The following TOGARAM1 variants were observed in gnomAD, a reference collection of about 807,000 sequenced individuals.
TOGARAM1 encodes TOG array regulator of axonemal microtubules 1, also known as TOG array regulator of axonemal microtubules protein 1.
A neutral mutation model predicts 166.6 loss-of-function variants in TOGARAM1; 100 were observed. The observed-to-expected ratio is 0.60, with a 90% CI of 0.51 to 0.71. The LOEUF (loss-of-function observed/expected upper bound fraction) is 0.71. TOGARAM1 is among the 30% of genes least tolerant of loss of function. TOGARAM1 has a pLI of 0.00. For synonymous variants in TOGARAM1, 758 were observed against 763.8 expected (o/e 0.99, Z 0.13); for missense variants, 2,029 against 2,102.7 (o/e 0.96, Z 0.69).
intron 16 of TOGARAM1, among the ~76,000 whole-genome samples, chr14:45,061,647 G>C (rs1882906772): frequency 6.6e-6 from 1 of 151,890 alleles, no homozygotes; most frequent in Admixed American, 6.6e-5. Flanking sequence ...TATATTTTTT[G>C]TTTATTTTGT....
intron 7 of TOGARAM1, among the ~76,000 whole-genome samples, chr14:45,021,385 A>G (rs993307960): frequency 1.3e-5 from 2 of 152,168 alleles, no homozygotes; most frequent in Non-Finnish European, 2.9e-5. Context: ...CGCATTCTCC[A>G]TAGAAACTCT....
intron 9 of TOGARAM1, among the ~76,000 whole-genome samples, chr14:45,027,740 G>A (rs1188861964): frequency 3.3e-5 from 5 of 152,030 alleles, no homozygotes; most frequent in East Asian, 3.9e-4. Flanking sequence ...ACAGCCATGC[G>A]TGCCTATGGG....
chr14:45,025,932 A>G (rs1171070424), intron 8 of TOGARAM1, 60 bp downstream of exon 8: 2 of 829,932 alleles, frequency 2.4e-6, no homozygotes, highest in South Asian at 1.6e-5. Context: ...AGCAAAGCCT[A>G]TCAATAAGGA....
At chr14:45,029,819 GT>G (rs1456160848) in intron 10 of TOGARAM1, among the ~76,000 whole-genome samples, 1 of 151,982 alleles carries the variant, frequency 6.6e-6, no homozygotes, top group Non-Finnish European at 1.5e-5. Context: ...AAGTTTTGTT[GT>G]TTTTTGTTGG....
chr14:45,013,161 T>C (rs985605008), intron 7 of TOGARAM1, among the ~76,000 whole-genome samples: 1 of 152,232 alleles, frequency 6.6e-6, no homozygotes, highest in African/African-American at 2.4e-5. Flanking sequence ...CATACTGTTT[T>C]TTCTGGATGA....
At chr14:44,975,162 G>GT (rs2138737615) in intron 1 of TOGARAM1, among the ~76,000 whole-genome samples, 1 of 152,170 alleles carries the variant, frequency 6.6e-6, no homozygotes, top group East Asian at 1.9e-4. Context: ...TTCTGTGTAT[G>GT]TTTTCATTAG....
Position 45,009,054 on chromosome 14 carries a change from C to A in TOGARAM1, c.3046C>A (p.Pro1016Thr). Residue 1016 changes from proline to threonine, a missense_variant, in exon 6 of 20, where the codon CCA becomes ACA. Physicochemically the swap from Pro to Thr is conservative, Grantham distance 38 (BLOSUM62 -1). This residue lies in a region of TOGARAM1 where 1,453 missense variants were observed against 1,432.2 expected (regional missense o/e 1.01). Transcript: ENST00000361462. ...TMDSPSLSSS[P>T]NINSYSESGV... Reference sequence around the variant, plus strand: ...GGACTCCCCGTCTCTGTCTTCCTCACCAAACATCAATTCTTACAGTGAAAG... The same window carrying A: ...GGACTCCCCGTCTCTGTCTTCCTCAACAAACATCAATTCTTACAGTGAAAG... The A allele has an allele frequency of 1.2e-6, 2 of 1,614,082 alleles. No homozygotes were observed. The highest frequency in any genetic ancestry group is 1.7e-6 in the Non-Finnish European group (2 of 1,179,984).
chr14:44,963,469 A>G lies in TOGARAM1; in HGVS notation c.1048A>G (p.Ile350Val). ...TTCCAACAGCAATCTTAAATTTGGG[A>G]TTATTCCTCAGGAGCTGCATTCACG... ...TLSNSNLKFG[I>V]IPQELHSRLL... Residue 350 changes from isoleucine to valine, a missense_variant, in exon 1 of 20, where the codon ATT (isoleucine) becomes GTT (valine). Physicochemically the swap from Ile to Val is conservative, Grantham distance 29. This residue lies in a region of TOGARAM1 where 1,453 missense variants were observed against 1,432.2 expected (regional missense o/e 1.01). Transcript: ENST00000361462. The G allele has an allele frequency of 6.2e-7, 1 of 1,614,172 alleles. No homozygotes were observed.
chr14:45,012,302 A>G (rs1269066804), intron 7 of TOGARAM1, among the ~76,000 whole-genome samples: 1 of 152,110 alleles, frequency 6.6e-6, no homozygotes, highest in African/African-American at 2.4e-5. Flanking sequence ...CAATTGGCAT[A>G]CCTATGGCTG....
Position 45,073,843 on chromosome 14 carries a change from A to G in TOGARAM1, c.*282A>G, listed in dbSNP as rs371260314. On this transcript the variant is annotated 3_prime_UTR_variant, in exon 20 of 20. Coordinates refer to ENST00000361462, the MANE Select transcript of TOGARAM1 (RefSeq NM_001308120.2). ...GAGAAAAGTCCTGCTCATTTGCACT[A>G]TTCTATAGAAACTACAATTTGTTGC... 7.9e-5 allele frequency: 20 copies of G among 251,924 alleles called. No individual in the cohort carries two copies. In the South Asian group the frequency reaches 8.0e-4, roughly 10 times the overall value. 15.6% of individuals were successfully genotyped at this position (251,924 alleles called of 1,614,324 possible).
intron 7 of TOGARAM1, among the ~76,000 whole-genome samples, chr14:45,016,541 G>A (rs562647101): frequency 6.6e-6 from 1 of 152,198 alleles, no homozygotes; most frequent in East Asian, 1.9e-4. Flanking sequence ...CACCACACCC[G>A]GCCCACACCC....
intron 15 of TOGARAM1, among the ~76,000 whole-genome samples, chr14:45,053,230 G>A (rs1331161511): frequency 1.3e-5 from 2 of 151,752 alleles, no homozygotes; most frequent in Non-Finnish European, 2.9e-5. Flanking sequence ...TAGTAGAGAC[G>A]GGGTTTCACC....
At position 44,966,611 on chromosome 14, in the gene TOGARAM1, AT is replaced by A. The variant is rs201633630; in HGVS notation, c.2046+2152del. ...ATTACATATTATTTTTTGTTACTAA[AT>A]TTTTTTTAACTTTTTCATGATAAAA... On this transcript the variant is annotated intron_variant, in intron 1 of 19. Transcript: ENST00000361462. Among the ~76,000 whole-genome samples, 23 of 151,952 alleles carry A rather than the reference AT, an allele frequency of 1.5e-4. No homozygotes were observed. The East Asian group carries it at 3.5e-3, about 23-fold the overall frequency.
In TOGARAM1 at chr14:45,043,788, A is replaced by C. The variant is rs781163270; in HGVS notation, c.3915A>C (p.Gln1305His). The stretch of plus-strand genomic sequence containing the variant: ...ATGAAACAAATTTTGCAGTTGTTCA[A>C]GAGGTAAACTTATTTTTCAGATGAG... Reference protein sequence around the residue: ...KLHETNFAVVQEVKNLRSGVS... With the variant: ...KLHETNFAVVHEVKNLRSGVS... Residue 1305 changes from glutamine to histidine, a missense_variant, in exon 12 of 20, where the codon CAA (glutamine) becomes CAC (histidine). By Grantham distance (24) the Gln-to-His change is conservative. Coordinates refer to ENST00000361462, the MANE Select transcript of TOGARAM1 (RefSeq NM_001308120.2). 1.3e-6 allele frequency: 2 copies of C among 1,570,150 alleles called. No individual in the cohort carries two copies. Among genetic ancestry groups the C allele is most frequent in the South Asian group, 2.2e-5 (2 of 90,078 alleles).
intron 1 of TOGARAM1, among the ~76,000 whole-genome samples, chr14:44,979,961 GA>G (rs1179320963): frequency 6.6e-6 from 1 of 152,076 alleles, no homozygotes; most frequent in African/African-American, 2.4e-5. Context: ...AGCTCCTAAT[GA>G]ACCACTGAGC....
At chr14:44,965,183 C>G (rs949055908) in intron 1 of TOGARAM1, among the ~76,000 whole-genome samples, 1 of 152,128 alleles carries the variant, frequency 6.6e-6, no homozygotes, top group African/African-American at 2.4e-5. Context: ...TGAGATTTCA[C>G]TCCTAAATAT....
At position 44,962,509 on chromosome 14, in the gene TOGARAM1, G is replaced by A. The variant is rs372220648; in HGVS notation, c.88G>A (p.Ala30Thr). 4 of 1,612,732 alleles carry A rather than the reference G, an allele frequency of 2.5e-6. No homozygotes were observed. The highest frequency in any genetic ancestry group is 1.3e-5 in the African/African-American group (1 of 74,892). Reference sequence around the variant, plus strand: ...GCTCCAGAGCCGCAGTCGTCCTTCCGCCCCAGAGACCGATGATAGTCGAGT... The same window carrying A: ...GCTCCAGAGCCGCAGTCGTCCTTCCACCCCAGAGACCGATGATAGTCGAGT... The part of the protein sequence containing the change: ...YRLQSRSRPS[A>T]PETDDSRVGG... The change falls in exon 1 of 20, where the codon GCC becomes ACC. Residue 30 changes from alanine to threonine, a missense_variant. Around this residue, in one of 2 missense-constraint regions of TOGARAM1, gnomAD observed 1,453 missense variants for 1,432.2 expected, o/e 1.01. Transcript: ENST00000361462.
Position 45,004,138 on chromosome 14 carries a change from C to G in TOGARAM1, c.2416C>G (p.Gln806Glu). The G allele has an allele frequency of 6.2e-7, 1 of 1,614,112 alleles. No homozygotes were observed. Among genetic ancestry groups the G allele is most frequent in the Non-Finnish European group, 8.5e-7 (1 of 1,180,002 alleles). ...SQTECTSSNG[Q>E]NPSPGAYILP... The stretch of plus-strand genomic sequence containing the variant: ...AACAGAGTGTACTTCCTCAAATGGT[C>G]AAAATCCAAGTCCAGGAGCTTACAT... Residue 806 changes from glutamine to glutamate, a missense_variant, in exon 4 of 20, where the codon CAA becomes GAA. By Grantham distance (29) the Gln-to-Glu change is conservative (BLOSUM62 2). Coordinates refer to ENST00000361462, the MANE Select transcript of TOGARAM1 (RefSeq NM_001308120.2).
chr14:44,985,038 G>A (rs761659484), intron 1 of TOGARAM1, among the ~76,000 whole-genome samples: 2 of 151,314 alleles, frequency 1.3e-5, no homozygotes, highest in Non-Finnish European at 2.9e-5. Flanking sequence ...TTCTGAGATG[G>A]AGTCTCGCTC....
Sources: gnomAD v4.1 joint callset for allele counts (sites outside exome capture counted in the v4.1 genomes callset) on GRCh38, gnomAD v4.1.1 for gene constraint, gnomAD v4.1.1 regional missense constraint, MANE v1.5 for transcripts, NCBI Gene and HGNC (gene_info 2026-07-23, HGNC 2026-07-21) for gene names.